Variants in DTNA observed in about 807,000 individuals in gnomAD.
DTNA encodes dystrobrevin alpha, also known as dystrophin-related protein 3.
Under a neutral mutation model 100.7 loss-of-function variants are expected in DTNA, and 43 were observed. The observed-to-expected ratio is 0.43, with a 90% confidence interval of 0.33 to 0.55. The LOEUF (loss-of-function observed/expected upper bound fraction) is 0.55. DTNA is among the 20% of genes least tolerant of loss of function. The pLI, the probability that DTNA is intolerant of heterozygous loss-of-function variation, is 0.04. For synonymous variants in DTNA, 349 were observed against 347.9 expected (o/e 1.00, Z -0.04); for missense variants, 798 against 953.9 (o/e 0.84, Z 2.15).
intron 5 of DTNA, among the ~76,000 whole-genome samples, chr18:34,810,876 G>A (rs2149317610): frequency 6.6e-6 from 1 of 152,224 alleles, no homozygotes; most frequent in South Asian, 2.1e-4. Flanking sequence ...TAAACTATTT[G>A]AAACAGCGGA....
intron 1 of DTNA, among the ~76,000 whole-genome samples, chr18:34,505,462 G>A (rs1002393476): frequency 6.6e-6 from 1 of 152,022 alleles, no homozygotes; most frequent in Non-Finnish European, 1.5e-5. Context: ...GAATATCTTT[G>A]GGAGCCATTA....
intron 1 of DTNA, among the ~76,000 whole-genome samples, chr18:34,595,726 A>G (rs2050460061): frequency 6.6e-6 from 1 of 152,212 alleles, no homozygotes; most frequent in Non-Finnish European, 1.5e-5. Context: ...TTTTAAAATT[A>G]CATTATAATT....
At chr18:34,780,576 G>A (rs1009323325) in intron 3 of DTNA, among the ~76,000 whole-genome samples, 2 of 152,116 alleles carry the variant, frequency 1.3e-5, no homozygotes, top group African/African-American at 2.4e-5. Context: ...ATTATATTGT[G>A]GAGAAAAATA....
chr18:34,602,586 C>A (rs2147228525), intron 1 of DTNA, among the ~76,000 whole-genome samples: 1 of 152,114 alleles, frequency 6.6e-6, no homozygotes, highest in Middle Eastern at 3.4e-3. Context: ...GTTGCAAGAA[C>A]CTCTAAGGCT....
At chr18:34,764,999 G>A (rs78346019) in intron 2 of DTNA, among the ~76,000 whole-genome samples, 1 of 152,150 alleles carries the variant, frequency 6.6e-6, no homozygotes, top group Non-Finnish European at 1.5e-5. Flanking sequence ...AGGAGCTCAG[G>A]TCTTGATGTA....
In DTNA at chr18:34,734,646, A is replaced by AT. The variant is rs200285480; in HGVS notation, c.-1-21329dup. 3.7e-3 allele frequency among the ~76,000 whole-genome samples: 563 copies of AT among 152,260 alleles called. 7 individuals are homozygous for AT. The highest frequency in any genetic ancestry group is 0.013 in the African/African-American group (526 of 41,558). On this transcript the variant is annotated intron_variant, in intron 1 of 22. Transcript: ENST00000444659. The stretch of plus-strand genomic sequence containing the variant: ...TCTGCTTCTGAAGCTGGGAGACAGA[A>AT]TCCCCCAGTTCATCATTTTCTTTCA...
intron 1 of DTNA, among the ~76,000 whole-genome samples, chr18:34,531,301 T>G (rs927625615): frequency 6.6e-6 from 1 of 152,128 alleles, no homozygotes; most frequent in East Asian, 1.9e-4. Context: ...GAATCTCTCT[T>G]TCACTAGCTG....
chr18:34,720,765 CTGGGGATGTGGGG>C (rs1026207758), intron 1 of DTNA, among the ~76,000 whole-genome samples: 3 of 152,102 alleles, frequency 2.0e-5, no homozygotes, highest in African/African-American at 7.2e-5. Context: ...GGTGTGGGAG[CTGGGGATGTGGGG>C]TGGGGAATCT....
chr18:34,735,609 C>T (rs1249475835), intron 1 of DTNA, among the ~76,000 whole-genome samples: 2 of 152,056 alleles, frequency 1.3e-5, no homozygotes, highest in Non-Finnish European at 2.9e-5. Context: ...TATTTCATTG[C>T]CTGGCCTCAT....
chr18:34,819,976 G>A (rs1432477328), intron 8 of DTNA, among the ~76,000 whole-genome samples: 1 of 144,174 alleles, frequency 6.9e-6, no homozygotes, highest in African/African-American at 2.5e-5. Context: ...AGCAATTGCG[G>A]TTTTTGCCAT....
intron 1 of DTNA, among the ~76,000 whole-genome samples, chr18:34,645,836 T>C (rs1412410189): frequency 6.6e-6 from 1 of 152,216 alleles, no homozygotes; most frequent in Admixed American, 6.5e-5. Context: ...TTAACTCGTT[T>C]TCTAGTTTTT....
chr18:34,676,732 G>A (rs1000090287), intron 1 of DTNA, among the ~76,000 whole-genome samples: 3 of 152,122 alleles, frequency 2.0e-5, no homozygotes, highest in Non-Finnish European at 4.4e-5. Flanking sequence ...CTACTCAGGA[G>A]GTTGAGATGG....
In DTNA at chr18:34,495,614, A is replaced by G. The variant is rs758712937; in HGVS notation, c.-2+2100A>G. Among the ~76,000 whole-genome samples the G allele has an allele frequency of 6.6e-5, 10 of 152,330 alleles. 1 individual carries two copies. The South Asian group carries it at 8.3e-4, about 13-fold the overall frequency. On this transcript the variant is annotated intron_variant, in intron 1 of 19. Transcript: ENST00000283365. The stretch of plus-strand genomic sequence containing the variant: ...AGAGTTGGGCGGTTTTAAAAGAAGA[A>G]TTGTGCAATTCTCTTTCAACTATCA...
At chr18:34,871,900 G>A (rs1180014111) in intron 17 of DTNA, among the ~76,000 whole-genome samples, 2 of 152,230 alleles carry the variant, frequency 1.3e-5, no homozygotes, top group African/African-American at 4.8e-5. Context: ...GTTGCCAGTT[G>A]TGGGAAAGAT....
At chr18:34,868,502 C>A in intron 17 of DTNA, 1 of 985,328 alleles carries the variant, frequency 1.0e-6, no homozygotes, top group Non-Finnish European at 1.2e-6. Flanking sequence ...CTTCTAAATT[C>A]TGTTTTTATT....
intron 1 of DTNA, among the ~76,000 whole-genome samples, chr18:34,669,513 TC>T (rs1230068112): frequency 6.6e-6 from 1 of 152,246 alleles, no homozygotes; most frequent in African/African-American, 2.4e-5. Context: ...TGCTGTTTCT[TC>T]CTAGCATCAA....
At chr18:34,876,608 T>C (rs1379265233) in intron 18 of DTNA, among the ~76,000 whole-genome samples, 1 of 152,192 alleles carries the variant, frequency 6.6e-6, no homozygotes, top group African/African-American at 2.4e-5. Context: ...AAAAAAATGT[T>C]TTGAAACATC....
chr18:34,863,278 G>T lies in DTNA; in HGVS notation c.1647-688G>T, dbSNP rs2096652894. 2.0e-5 allele frequency among the ~76,000 whole-genome samples: 3 copies of T among 152,040 alleles called. No homozygotes were observed. In the South Asian group the frequency reaches 6.2e-4, roughly 31 times the overall value. ...AATGATCGAGTATAGATTGTCCTTA[G>T]TTGTTTTCATTCTTGCTGACAGTTT... On this transcript the variant is annotated intron_variant, in intron 16 of 22. Coordinates refer to ENST00000444659, the MANE Select transcript of DTNA (RefSeq NM_001386795.1).
chr18:34,888,435 A>G lies in DTNA; in HGVS notation c.*701A>G, dbSNP rs1382556966. ...CTGTGAGCAGTGACTTGAACCAAAC[A>G]CACCAGGAATAATCCATTCTTTGGG... On this transcript the variant is annotated 3_prime_UTR_variant, in exon 23 of 23. Coordinates refer to ENST00000444659, the MANE Select transcript of DTNA (RefSeq NM_001386795.1). The G allele has an allele frequency of 1.6e-5, 16 of 985,702 alleles. No individual in the cohort carries two copies. In the Admixed American group the frequency reaches 3.7e-4, roughly 23 times the overall value. The allele number at this position is 985,702 out of a possible 1,614,324, so 61.1% of individuals were successfully genotyped here.
Sources: allele counts gnomAD v4.1 joint callset (sites outside exome capture counted in the v4.1 genomes callset), GRCh38; gene constraint gnomAD v4.1.1; transcripts MANE v1.5; gene names NCBI Gene and HGNC (gene_info 2026-07-23, HGNC 2026-07-21).